Variants in ASIC2 observed in about 807,000 individuals in gnomAD.
ASIC2 encodes the protein acid-sensing ion channel 2.
In ASIC2, 25 loss-of-function variants were observed where a neutral mutation model predicts 57.3. That is an observed-to-expected ratio of 0.44 (90% CI 0.32 to 0.61). The LOEUF (loss-of-function observed/expected upper bound fraction) is 0.61, where lower values mean the gene tolerates loss of function less well. Ranked by LOEUF, ASIC2 falls within the 20% of genes least tolerant of loss-of-function variation. The pLI is 0.06. For missense variants in ASIC2, 641 were observed against 738.1 expected, an observed-to-expected ratio of 0.87 and a Z score of 1.52; for synonymous variants, 319 against 307.5, an observed-to-expected ratio of 1.04 and a Z score of -0.39.
intron 1 of ASIC2, among the ~76,000 whole-genome samples, chr17:33,673,947 G>A (rs1049135680): frequency 6.7e-6 from 1 of 150,240 alleles, no homozygotes; most frequent in Non-Finnish European, 1.5e-5. Flanking sequence ...AGGCTGGAGT[G>A]CAATGGTGCC....
At chr17:33,212,803 T>C (rs1047512113) in intron 1 of ASIC2, among the ~76,000 whole-genome samples, 3 of 152,158 alleles carry the variant, frequency 2.0e-5, no homozygotes, top group Admixed American at 1.3e-4. Flanking sequence ...TTTGAACCAA[T>C]GCATTCTATA....
At chr17:33,514,586 T>C (rs1450465190) in intron 1 of ASIC2, among the ~76,000 whole-genome samples, 1 of 152,220 alleles carries the variant, frequency 6.6e-6, no homozygotes, top group Non-Finnish European at 1.5e-5. Context: ...TGGACTTCTG[T>C]CCTGCCCTTA....
intron 1 of ASIC2, among the ~76,000 whole-genome samples, chr17:33,204,353 C>A (rs1231693246): frequency 6.6e-6 from 1 of 152,214 alleles, no homozygotes; most frequent in Non-Finnish European, 1.5e-5. Flanking sequence ...AGAAGCCAGC[C>A]TGGCAGAGTA....
chr17:34,082,082 A>G (rs1909906303), intron 1 of ASIC2: 1 of 152,156 alleles, frequency 6.6e-6, no homozygotes, highest in Non-Finnish European at 1.5e-5. Flanking sequence ...GGATGCCCTC[A>G]TACTTTCATC....
chr17:33,179,766 T>C (rs925774382), intron 1 of ASIC2, among the ~76,000 whole-genome samples: 2 of 152,204 alleles, frequency 1.3e-5, no homozygotes, highest in African/African-American at 4.8e-5. Context: ...ATGGAGCTCT[T>C]ACAAATGGCT....
intron 1 of ASIC2, among the ~76,000 whole-genome samples, chr17:33,579,663 G>A (rs747673189): frequency 6.6e-6 from 1 of 151,962 alleles, no homozygotes; most frequent in Non-Finnish European, 1.5e-5. Context: ...GTGGGCTCCT[G>A]GTCTGGCAGA....
At chr17:33,800,924 C>T (rs1226523115) in intron 1 of ASIC2, among the ~76,000 whole-genome samples, 1 of 152,142 alleles carries the variant, frequency 6.6e-6, no homozygotes, top group Non-Finnish European at 1.5e-5. Context: ...TCTAGTCTGA[C>T]TCTAGAATCA....
At chr17:34,141,688 G>T (rs9904044) in intron 1 of ASIC2, among the ~76,000 whole-genome samples, 1 of 152,110 alleles carries the variant, frequency 6.6e-6, no homozygotes, top group Admixed American at 6.5e-5. Context: ...TAGATTCCTG[G>T]ACATGCTAAG....
intron 1 of ASIC2, chr17:33,932,741 A>AAATATATATATATATATAT (rs1555572867): frequency 1.5e-4 from 9 of 58,702 alleles, no homozygotes; most frequent in East Asian, 8.4e-4. Flanking sequence ...AAAAAAAAAA[A>AAATATATATATATATATAT]ATATATATAT....
intron 1 of ASIC2, among the ~76,000 whole-genome samples, chr17:33,670,297 A>G (rs906242896): frequency 6.6e-6 from 1 of 152,198 alleles, no homozygotes; most frequent in Non-Finnish European, 1.5e-5. Flanking sequence ...ACTACCCACC[A>G]GCCATGCTGC....
intron 1 of ASIC2, among the ~76,000 whole-genome samples, chr17:33,821,640 A>G (rs1423866610): frequency 6.6e-6 from 1 of 152,216 alleles, no homozygotes; most frequent in Non-Finnish European, 1.5e-5. Flanking sequence ...TGGCTTCGTG[A>G]TATTTAACCA....
chr17:33,857,865 G>A (rs1049808693), intron 1 of ASIC2, among the ~76,000 whole-genome samples: 1 of 152,218 alleles, frequency 6.6e-6, no homozygotes, highest in African/African-American at 2.4e-5. Flanking sequence ...CAGGGGAAAA[G>A]CTACAAATAT....
Position 33,342,721 on chromosome 17 carries a change from G to A in ASIC2, c.556-230654C>T, listed in dbSNP as rs186770522. On this transcript the variant is annotated intron_variant, in intron 1 of 9. Coordinates refer to the ASIC2 transcript ENST00000359872. ...CTTCCTTGATGCATGCAGCCTCATC[G>A]GATCACTTTTGCTTATCTGATGATG... 6.6e-5 allele frequency among the ~76,000 whole-genome samples: 10 copies of A among 152,212 alleles called. 1 individual carries two copies. The highest frequency in any genetic ancestry group is 6.2e-4 in the South Asian group (3 of 4,822).
chr17:34,012,398 G>A (rs751140725), intron 1 of ASIC2, among the ~76,000 whole-genome samples: 5 of 152,090 alleles, frequency 3.3e-5, no homozygotes, highest in Admixed American at 6.5e-5. Context: ...GCAATACCAC[G>A]GATTTTCCAG....
chr17:33,668,327 A>G (rs1907546141), intron 1 of ASIC2, among the ~76,000 whole-genome samples: 1 of 146,062 alleles, frequency 6.8e-6, no homozygotes, highest in Non-Finnish European at 1.5e-5. Flanking sequence ...GAAAAAGAAC[A>G]CAACTTATTG....
chr17:33,474,389 A>T (rs1913151813), intron 1 of ASIC2, among the ~76,000 whole-genome samples: 1 of 152,206 alleles, frequency 6.6e-6, no homozygotes, highest in African/African-American at 2.4e-5. Context: ...AGAAAAAAAG[A>T]AAAGAAACAG....
At chr17:33,771,628 GC>G (rs538889613) in intron 1 of ASIC2, among the ~76,000 whole-genome samples, 234 of 152,222 alleles carry the variant, frequency 1.5e-3, no homozygotes, top group African/African-American at 5.2e-3. Flanking sequence ...GGCCTGCAGG[GC>G]CTTTTCCCTG....
chr17:33,453,050 C>T (rs539727832), intron 1 of ASIC2, among the ~76,000 whole-genome samples: 3 of 152,328 alleles, frequency 2.0e-5, no homozygotes, highest in Admixed American at 2.0e-4. Context: ...CAAACAGCCT[C>T]TCCGAAGGTT....
intron 1 of ASIC2, among the ~76,000 whole-genome samples, chr17:33,195,587 T>C (rs995836556): frequency 1.3e-5 from 2 of 152,210 alleles, no homozygotes; most frequent in Non-Finnish European, 2.9e-5. Flanking sequence ...CATTAAGAAA[T>C]AAACCCTGTC....
Sources: allele counts gnomAD v4.1 joint callset (sites outside exome capture counted in the v4.1 genomes callset), GRCh38; gene constraint gnomAD v4.1.1; transcripts MANE v1.5; gene names NCBI Gene and HGNC (gene_info 2026-07-23, HGNC 2026-07-21).